HERC1: variants seen among roughly 807,000 people sequenced by gnomAD.
The protein encoded by HERC1 is probable E3 ubiquitin-protein ligase HERC1.
HERC1 carries 160 observed loss-of-function variants against 554.3 expected under a neutral mutation model. The ratio of observed to expected loss-of-function variants is 0.29; its 90% CI spans 0.25 to 0.33. The LOEUF (loss-of-function observed/expected upper bound fraction) is 0.33, where lower values mean the gene tolerates loss of function less well. Among genes scored for constraint, HERC1 ranks in the 10% least tolerant of loss-of-function variants. The pLI is 1.00. For synonymous variants in HERC1, 2,175 were observed against 2,131.7 expected (o/e 1.02, Z -0.56); for missense variants, 4,919 against 5,918.5 (o/e 0.83, Z 5.54).
chr15:63,822,812 T>A (rs573246889), intron 1 of HERC1, among the ~76,000 whole-genome samples: 1 of 152,096 alleles, frequency 6.6e-6, no homozygotes. Context: ...CAAAATGTGA[T>A]CAGATTAGAA....
intron 74 of HERC1, among the ~76,000 whole-genome samples, chr15:63,617,017 T>A (rs557790827): frequency 1.3e-4 from 20 of 152,232 alleles, no homozygotes; most frequent in East Asian, 3.9e-4. Flanking sequence ...TTTTTTTTTT[T>A]TTATTATTAT....
chr15:63,754,801 C>A (rs761411375), intron 6 of HERC1, among the ~76,000 whole-genome samples, 153 bp from the exon 7 acceptor site: 7 of 152,146 alleles, frequency 4.6e-5, no homozygotes, highest in Non-Finnish European at 8.8e-5. Flanking sequence ...TTTCTAACAT[C>A]TTCTCAATCT....
rs56318707 is a variant in HERC1 at position 63,656,169 on chromosome 15, C to A, written c.9789G>T (p.Leu3263=). The change falls in exon 49 of 78, where the codon CTG becomes CTT. Residue 3263 remains leucine, a synonymous_variant. Transcript: ENST00000443617. ...ATCCCACTGCTGTGCTCAAATAGGC[C>A]AGGCAAGAGATAGGCTTGTTAGCCT... ...HSKANKPISC[L]AYLSTAVGCL... is the part of the protein sequence containing the mutation. The A allele has an allele frequency of 2.5e-6, 4 of 1,612,606 alleles. No individual in the cohort carries two copies. In the South Asian group the frequency reaches 4.4e-5, roughly 18 times the overall value.
chr15:63,701,409 A>G (rs2072716601), intron 25 of HERC1, among the ~76,000 whole-genome samples: 1 of 152,212 alleles, frequency 6.6e-6, no homozygotes, highest in Admixed American at 6.5e-5. Flanking sequence ...ACGAAGCCCA[A>G]AATTAAATCT....
chr15:63,639,905 G>T (rs192637313), intron 61 of HERC1, among the ~76,000 whole-genome samples: 85 of 152,262 alleles, frequency 5.6e-4, no homozygotes, highest in Middle Eastern at 3.4e-3. Flanking sequence ...GAGAAAATAT[G>T]GGACTATGTC....
At chr15:63,651,782 T>C (rs1456315815) in intron 52 of HERC1, among the ~76,000 whole-genome samples, 1 of 152,200 alleles carries the variant, frequency 6.6e-6, no homozygotes, top group Non-Finnish European at 1.5e-5. Flanking sequence ...CTCACATCTG[T>C]AATCCCAGCA....
chr15:63,645,172 A>G (rs2069270333), intron 56 of HERC1, 75 bp from the exon 57 acceptor site: 7 of 1,070,204 alleles, frequency 6.5e-6, no homozygotes, highest in Non-Finnish European at 1.0e-5. Context: ...ATTGCAATCA[A>G]TTAAGATCTG....
chr15:63,831,263 C>T (rs1267000938), intron 1 of HERC1, among the ~76,000 whole-genome samples: 2 of 152,094 alleles, frequency 1.3e-5, no homozygotes, highest in Non-Finnish European at 2.9e-5. Context: ...TGCACCACCA[C>T]GTCCAGCAAA....
chr15:63,747,580 CTAGAT>C (rs1329553005), intron 11 of HERC1, 139 bp downstream of exon 11: 7 of 486,644 alleles, frequency 1.4e-5, no homozygotes, highest in Non-Finnish European at 2.5e-5. Flanking sequence ...TAGCTCTTTT[CTAGAT>C]TATAAAAAAG....
chr15:63,738,981 AT>A (rs11344315), intron 12 of HERC1, among the ~76,000 whole-genome samples: 120,120 of 148,118 alleles, frequency 0.81, 50,359 homozygotes, highest in Non-Finnish European at 0.87. Flanking sequence ...AAGTCAGTTT[AT>A]TTTTTTTTTT....
intron 51 of HERC1, 89 bp from the exon 52 acceptor site, chr15:63,652,630 C>T: frequency 9.2e-7 from 1 of 1,091,920 alleles, no homozygotes; most frequent in East Asian, 2.8e-5. Flanking sequence ...TAAAAATCTA[C>T]CATGAAATTA....
chr15:63,620,810 T>C (rs1388377303), intron 74 of HERC1, among the ~76,000 whole-genome samples: 2 of 152,224 alleles, frequency 1.3e-5, no homozygotes, highest in African/African-American at 2.4e-5. Flanking sequence ...AGACTAGGAT[T>C]GCAACCCCTG....
At chr15:63,645,350 T>C (rs1348604212) in intron 56 of HERC1, 133 bp downstream of exon 56, 4 of 715,892 alleles carry the variant, frequency 5.6e-6, no homozygotes, top group Non-Finnish European at 9.2e-6. Flanking sequence ...GAGGTAATCT[T>C]ATAATGTTAC....
intron 1 of HERC1, among the ~76,000 whole-genome samples, chr15:63,825,352 A>G (rs1215841993): frequency 1.3e-5 from 2 of 152,224 alleles, no homozygotes; most frequent in Non-Finnish European, 2.9e-5. Flanking sequence ...CATATTATAT[A>G]CCAGAAATTT....
chr15:63,638,224 G>A (rs796185951), intron 63 of HERC1, among the ~76,000 whole-genome samples, 187 bp downstream of exon 63: 9 of 152,214 alleles, frequency 5.9e-5, no homozygotes, highest in African/African-American at 2.2e-4. Flanking sequence ...TTAGAAATTT[G>A]TTAACTTCTT....
At chr15:63,748,592 T>C (rs2075138079) in intron 10 of HERC1, among the ~76,000 whole-genome samples, 1 of 152,208 alleles carries the variant, frequency 6.6e-6, no homozygotes, top group Non-Finnish European at 1.5e-5. Context: ...GGGACCCAAC[T>C]ATCTACATAT....
intron 19 of HERC1, 44 bp downstream of exon 19, chr15:63,723,138 A>G (rs767022629): frequency 6.0e-5 from 76 of 1,256,254 alleles, no homozygotes; most frequent in Non-Finnish European, 7.5e-5. Context: ...TGCGAGCATT[A>G]TGAGCTAACT....
At position 63,789,767 on chromosome 15, in the gene HERC1, T is replaced by C. The variant is rs2076577140; in HGVS notation, c.-26-14118A>G. Among the ~76,000 whole-genome samples the C allele has an allele frequency of 2.0e-5, 3 of 150,138 alleles. No individual in the cohort carries two copies. The South Asian group carries it at 6.3e-4, about 32-fold the overall frequency. On this transcript the variant is annotated intron_variant, in intron 1 of 77. Transcript: ENST00000443617. ...GAGCCGAGATGATGCCACCCAGGTC[T>C]CTCCAGCCTGGGCGACCAAGCGAGC...
At chr15:63,799,112 G>A (rs976888058) in intron 1 of HERC1, among the ~76,000 whole-genome samples, 2 of 152,158 alleles carry the variant, frequency 1.3e-5, no homozygotes, top group Non-Finnish European at 2.9e-5. Context: ...ACACGGAGTT[G>A]TTCAACAAAA....
Sources: gnomAD v4.1 joint callset for allele counts (sites outside exome capture counted in the v4.1 genomes callset) on GRCh38, gnomAD v4.1.1 for gene constraint, MANE v1.5 for transcripts, NCBI Gene and HGNC (gene_info 2026-07-23, HGNC 2026-07-21) for gene names.